HUWE1: variants seen among roughly 807,000 people sequenced by gnomAD.
HUWE1 encodes E3 ubiquitin-protein ligase HUWE1.
In HUWE1, 18 loss-of-function variants were observed where a neutral mutation model predicts 299.4. The ratio of observed to expected loss-of-function variants is 0.06; its 90% CI spans 0.04 to 0.09. The LOEUF (loss-of-function observed/expected upper bound fraction) is 0.09. Among genes scored for constraint, HUWE1 ranks in the 10% least tolerant of loss-of-function variants. The pLI is 1.00. For synonymous variants in HUWE1, 1,317 were observed against 1,286.1 expected, an observed-to-expected ratio of 1.02 and a Z score of -0.51; for missense variants, 1,832 against 3,462.3, an observed-to-expected ratio of 0.53 and a Z score of 11.82.
rs782078090 is a variant in HUWE1, at chrX:53,539,076, T to C, written c.11637A>G (p.Leu3879=). The change falls in exon 76 of 84, where the codon CTA becomes CTG. Residue 3879 remains leucine, a synonymous_variant. Coordinates refer to ENST00000262854, the MANE Select transcript of HUWE1 (RefSeq NM_031407.7). ...GAAAGAAGGCCTCGACAGCAGGCTG[T>C]AGCACTAGGGTTAGGAATGATGGAG... ...ESHDQHAVLV[L]QPAVEAFFLV... is the part of the protein sequence containing the mutation. 3 of 1,209,151 alleles carry C rather than the reference T, an allele frequency of 2.5e-6. No homozygotes were observed. Among genetic ancestry groups the C allele is most frequent in the Non-Finnish European group, 3.4e-6 (3 of 894,036 alleles).
chrX:53,591,054 C>G lies in HUWE1; in HGVS notation c.4041G>C (p.Gln1347His). The G allele has an allele frequency of 8.3e-7, 1 of 1,210,642 alleles. No individual in the cohort carries two copies. Residue 1347 changes from glutamine to histidine, a missense_variant, in exon 34 of 84, where the codon CAG becomes CAC. Physicochemically the swap from Gln to His is conservative, Grantham distance 24. Around this residue, in one of 15 missense-constraint regions of HUWE1, gnomAD observed 658 missense variants for 1,282.6 expected, o/e 0.51. Transcript: ENST00000262854. ...EALLNTSTME[Q>H]ATEYLLTHPP... is the part of the protein sequence containing the mutation. ...GGTGGGTTAAAAGGTACTCTGTGGCCTGCTCCATGGTGCTGGTGTTCAACA... is the reference window on the plus strand; with the variant it reads ...GGTGGGTTAAAAGGTACTCTGTGGCGTGCTCCATGGTGCTGGTGTTCAACA...
At chrX:53,654,780 A>G (rs1309307460) in intron 3 of HUWE1, among the ~76,000 whole-genome samples, 1 of 112,542 alleles carries the variant, frequency 8.9e-6, no homozygotes, top group Non-Finnish European at 1.9e-5. Flanking sequence ...TGTCTAAAGA[A>G]AACAGCTTAG....
intron 47 of HUWE1, among the ~76,000 whole-genome samples, chrX:53,573,020 C>G (rs782018150): frequency 3.6e-5 from 4 of 111,143 alleles, no homozygotes; most frequent in African/African-American, 1.3e-4. Flanking sequence ...AAACCCAATT[C>G]TTGTCCATTT....
intron 78 of HUWE1, among the ~76,000 whole-genome samples, chrX:53,537,036 G>T (rs2146894989): frequency 8.9e-6 from 1 of 112,065 alleles, no homozygotes; most frequent in South Asian, 3.7e-4. Flanking sequence ...GGAAGAACAT[G>T]GCATACAGTC....
chrX:53,543,505 G>A (rs1307866492), intron 73 of HUWE1, among the ~76,000 whole-genome samples: 3 of 110,688 alleles, frequency 2.7e-5, no homozygotes, highest in South Asian at 3.9e-4. Context: ...TGTTTCTGAT[G>A]TACCTGCATT....
At chrX:53,536,957 G>A (rs1315799063) in intron 78 of HUWE1, among the ~76,000 whole-genome samples, 1 of 112,109 alleles carries the variant, frequency 8.9e-6, no homozygotes, top group Non-Finnish European at 1.9e-5. Flanking sequence ...GGTGAAGTGG[G>A]GAGGGGAGAA....
At chrX:53,622,319 G>T (rs1312833579) in intron 19 of HUWE1, among the ~76,000 whole-genome samples, 1 of 111,395 alleles carries the variant, frequency 9.0e-6, no homozygotes, top group African/African-American at 3.3e-5. Flanking sequence ...TGCTCAGCAG[G>T]GTTATACATT....
chrX:53,684,140 G>A (rs901478926), intron 2 of HUWE1: 4 of 253,933 alleles, frequency 1.6e-5, no homozygotes, highest in Non-Finnish European at 2.8e-5. Flanking sequence ...AGCAAATGAC[G>A]CACAACCTAA....
chrX:53,625,883 A>AGGGCCG (rs1557017019), intron 17 of HUWE1: 1 of 308,691 alleles, frequency 3.2e-6, no homozygotes, highest in Non-Finnish European at 6.4e-6. Context: ...GGCCGGGGCC[A>AGGGCCG]GGGCCGGTGC....
In HUWE1 at chrX:53,533,184, A is replaced by G. The variant is rs1556908078; in HGVS notation, c.*125T>C. ...GGGGAAGATGGGGCAGCTGGGACAC[A>G]CACGGTGAGTTGGTGGATTTCATTT... On this transcript the variant is annotated 3_prime_UTR_variant, in exon 84 of 84. Coordinates refer to ENST00000262854, the MANE Select transcript of HUWE1 (RefSeq NM_031407.7). The G allele has an allele frequency of 2.0e-6, 1 of 506,910 alleles. No individual in the cohort carries two copies. The allele number at this position is 506,910 out of a possible 1,213,427, so 41.8% of individuals were successfully genotyped here.
At chrX:53,619,697 T>C (rs782068888) in intron 19 of HUWE1, among the ~76,000 whole-genome samples, 32 of 109,302 alleles carry the variant, frequency 2.9e-4, no homozygotes, top group African/African-American at 9.7e-4. Flanking sequence ...TAGAATACAA[T>C]GAAGAAAACA....
chrX:53,576,422 TCAGACACACCTCCTAATATTGCCTC>T (rs2063109258), intron 44 of HUWE1, among the ~76,000 whole-genome samples: 1 of 111,921 alleles, frequency 8.9e-6, no homozygotes, highest in African/African-American at 3.3e-5. Context: ...GTTAGGAAAC[TCAGACACACCTCCTAATATTGCCTC>T]CAGCTCTTCA....
intron 43 of HUWE1, 55 bp from the exon 44 acceptor site, chrX:53,577,122 GGTTAC>G: frequency 1.1e-6 from 1 of 942,099 alleles, no homozygotes. Flanking sequence ...ACCTAAACTA[GGTTAC>G]TAATAAAGAC....
chrX:53,624,433 G>A (rs782008381), intron 19 of HUWE1, among the ~76,000 whole-genome samples, 162 bp downstream of exon 19: 26 of 112,200 alleles, frequency 2.3e-4, no homozygotes, highest in Admixed American at 8.5e-4. Context: ...GGAGGCAGAG[G>A]TTGTAGTGAG....
intron 49 of HUWE1, among the ~76,000 whole-genome samples, chrX:53,567,757 T>C (rs1374382622): frequency 8.9e-6 from 1 of 111,781 alleles, no homozygotes; most frequent in Admixed American, 9.5e-5. Flanking sequence ...TGTAGACATT[T>C]GTAAAGTGCC....
intron 2 of HUWE1, among the ~76,000 whole-genome samples, chrX:53,682,870 T>C (rs1438087963): frequency 3.6e-5 from 4 of 110,389 alleles, no homozygotes; most frequent in African/African-American, 1.3e-4. Flanking sequence ...GGGGGAGGAA[T>C]GAGGAAGGCA....
chrX:53,614,894 C>G, intron 22 of HUWE1, 149 bp from the exon 23 acceptor site: 1 of 478,461 alleles, frequency 2.1e-6, no homozygotes. Context: ...AGAATATGGT[C>G]ATTAATTACA....
At chrX:53,645,748 T>C (rs80143497) in intron 6 of HUWE1, among the ~76,000 whole-genome samples, 32 of 30,571 alleles carry the variant, frequency 1.0e-3, no homozygotes, top group Non-Finnish European at 1.3e-3. Context: ...TATATATATA[T>C]ATATATATAT....
intron 29 of HUWE1, among the ~76,000 whole-genome samples, chrX:53,596,712 G>T (rs1335438106): frequency 8.9e-6 from 1 of 111,877 alleles, no homozygotes; most frequent in Non-Finnish European, 1.9e-5. Context: ...CATGTTTACC[G>T]CAATACTGAA....
Sources: gnomAD v4.1 joint callset for allele counts (sites outside exome capture counted in the v4.1 genomes callset) on GRCh38, gnomAD v4.1.1 for gene constraint, gnomAD v4.1.1 regional missense constraint, MANE v1.5 for transcripts, NCBI Gene and HGNC (gene_info 2026-07-23, HGNC 2026-07-21) for gene names.